STK3: variants seen among roughly 807,000 people sequenced by gnomAD.
STK3 encodes the protein serine/threonine kinase 3, also known as serine/threonine-protein kinase 3.
Under a neutral mutation model 58.0 loss-of-function variants are expected in STK3, and 41 were observed. The observed-to-expected ratio is 0.71, with a 90% CI of 0.55 to 0.92. STK3 has a LOEUF of 0.92. Among genes scored for constraint, STK3 ranks in the 40% least tolerant of loss-of-function variants. The pLI is 0.00. For synonymous variants in STK3, 170 were observed against 191.0 expected, an observed-to-expected ratio of 0.89 and a Z score of 0.91; for missense variants, 479 against 602.7, an observed-to-expected ratio of 0.79 and a Z score of 2.15.
chr8:98,459,588 C>T (rs1013839802), intron 10 of STK3, among the ~76,000 whole-genome samples: 1 of 152,254 alleles, frequency 6.6e-6, no homozygotes, highest in East Asian at 1.9e-4. Context: ...ATCTTGCCAG[C>T]AGCCCCATTT....
chr8:98,637,131 A>G (rs541243105), intron 6 of STK3, among the ~76,000 whole-genome samples: 13 of 151,660 alleles, frequency 8.6e-5, no homozygotes, highest in Non-Finnish European at 1.9e-4. Flanking sequence ...GTTTTTTTAC[A>G]GAGGAAAAAT....
intron 1 of STK3, among the ~76,000 whole-genome samples, chr8:98,895,984 G>A (rs1310087329): frequency 6.6e-6 from 1 of 152,140 alleles, no homozygotes; most frequent in Non-Finnish European, 1.5e-5. Context: ...TAGCCTAGAT[G>A]ATAAATTAAT....
intron 3 of STK3, chr8:98,875,365 A>G (rs1837529802): frequency 1.3e-5 from 2 of 152,194 alleles, no homozygotes; most frequent in Non-Finnish European, 2.9e-5. Context: ...CTCATCCCCA[A>G]CTGCCTGTTG....
At chr8:98,663,967 C>T (rs1006373097) in intron 6 of STK3, among the ~76,000 whole-genome samples, 4 of 152,086 alleles carry the variant, frequency 2.6e-5, no homozygotes, top group Non-Finnish European at 5.9e-5. Context: ...CTAGAATTCA[C>T]GTACCACACT....
intron 6 of STK3, among the ~76,000 whole-genome samples, chr8:98,626,163 C>T (rs1392924423): frequency 2.0e-5 from 3 of 152,062 alleles, no homozygotes; most frequent in Non-Finnish European, 4.4e-5. Context: ...GAATCTGCAG[C>T]ATAGAAGCCT....
chr8:98,553,182 C>T (rs1490264421), intron 8 of STK3: 5 of 152,210 alleles, frequency 3.3e-5, no homozygotes, highest in South Asian at 4.1e-4. Flanking sequence ...GAGTGTTTTA[C>T]AACTTTTTAC....
intron 1 of STK3, among the ~76,000 whole-genome samples, chr8:98,793,845 T>C (rs953973040): frequency 7.9e-5 from 12 of 151,500 alleles, no homozygotes; most frequent in African/African-American, 2.7e-4. Context: ...ATACCAACCA[T>C]ACTCTCAGAC....
intron 3 of STK3, among the ~76,000 whole-genome samples, chr8:98,860,474 G>A (rs1836889342): frequency 6.6e-6 from 1 of 152,144 alleles, no homozygotes; most frequent in Non-Finnish European, 1.5e-5. Context: ...ACCAGTTATA[G>A]CTCAGCAAGC....
At chr8:98,755,388 G>T (rs1830225428) in intron 3 of STK3, among the ~76,000 whole-genome samples, 3 of 152,124 alleles carry the variant, frequency 2.0e-5, no homozygotes, top group Non-Finnish European at 4.4e-5. Flanking sequence ...AAAGAAGAAA[G>T]GGTGCTATAA....
chr8:98,811,848 A>T (rs1834244018), intron 1 of STK3, among the ~76,000 whole-genome samples: 1 of 152,234 alleles, frequency 6.6e-6, no homozygotes, highest in South Asian at 2.1e-4. Flanking sequence ...TTTGAGACGA[A>T]GTCTTGGTCT....
At chr8:98,350,537 A>G in the STK3 span, among the ~76,000 whole-genome samples, 29 of 152,270 alleles carry the variant, frequency 1.9e-4, no homozygotes, top group African/African-American at 7.0e-4. Context: ...TTACTGTATT[A>G]GTCAATTTTT....
chr8:98,384,155 C>T lies in STK3; in HGVS notation n.56+4037G>A, dbSNP rs1268952808. On this transcript the variant is annotated intron_variant and non_coding_transcript_variant, in intron 1 of 2. Transcript: ENST00000518704. ...CATCCTCACTCATGTGATAATAAGA[C>T]GTTTCCACTTTGGCCTCTGATTGGC... Among the ~76,000 whole-genome samples, 8 of 152,210 alleles carry T rather than the reference C, an allele frequency of 5.3e-5. No homozygotes were observed. In the East Asian group the frequency reaches 7.7e-4, roughly 15 times the overall value.
chr8:98,734,478 A>G (rs1393993376), intron 4 of STK3, among the ~76,000 whole-genome samples: 2 of 152,212 alleles, frequency 1.3e-5, no homozygotes, highest in Non-Finnish European at 2.9e-5. Flanking sequence ...TAAATGGGAA[A>G]GAATAACCTT....
chr8:98,598,787 T>C lies in STK3; in HGVS notation c.685-2618A>G, dbSNP rs916143501. 8.1e-6 allele frequency: 8 copies of C among 985,280 alleles called. No homozygotes were observed. In the African/African-American group the frequency reaches 1.4e-4, roughly 17 times the overall value. 61.0% of individuals were successfully genotyped at this position (985,280 alleles called of 1,614,324 possible). ...AAGAATGTTAGTAAAATAAATGACATGATTATCCTTGTGTTTGTTTCTACA... is the reference window on the plus strand; with the variant it reads ...AAGAATGTTAGTAAAATAAATGACACGATTATCCTTGTGTTTGTTTCTACA... On this transcript the variant is annotated intron_variant, in intron 6 of 10. Coordinates refer to ENST00000419617, the MANE Select transcript of STK3 (RefSeq NM_006281.4).
rs538097425 is a variant in STK3 at position 98,475,500 on chromosome 8, A to G, written c.1318-19500T>C. 4.7e-4 allele frequency among the ~76,000 whole-genome samples: 71 copies of G among 152,352 alleles called. 2 individuals carry two copies. In the South Asian group the frequency reaches 0.012, roughly 25 times the overall value. ...TGTTCTGAAGACTAGTTTTTTAGAA[A>G]GTAAAACCATATTACCAGAATATTA... On this transcript the variant is annotated intron_variant, in intron 10 of 10. Transcript: ENST00000419617.
intron 10 of STK3, among the ~76,000 whole-genome samples, chr8:98,494,554 C>G (rs1053713263): frequency 6.9e-6 from 1 of 145,350 alleles, no homozygotes; most frequent in African/African-American, 2.5e-5. Context: ...CTTTGGGAGG[C>G]TAAGGTGGGT....
At chr8:98,399,889 A>G (rs988936120), downstream of STK3, among the ~76,000 whole-genome samples, 1 of 152,306 alleles carries the variant, frequency 6.6e-6, no homozygotes, top group Middle Eastern at 3.4e-3. Flanking sequence ...GTCACCCTCT[A>G]TTGCTGCCCA....
intron 10 of STK3, among the ~76,000 whole-genome samples, chr8:98,480,310 A>G (rs1407087232): frequency 1.3e-5 from 2 of 152,228 alleles, no homozygotes; most frequent in Non-Finnish European, 2.9e-5. Context: ...AGAAAAAAAC[A>G]TATACAGGGC....
intron 1 of STK3, among the ~76,000 whole-genome samples, chr8:98,790,362 T>C (rs1339762110): frequency 6.6e-6 from 1 of 152,214 alleles, no homozygotes; most frequent in East Asian, 1.9e-4. Flanking sequence ...GATGCAGTGA[T>C]GGTTTAACAT....
Sources: allele counts gnomAD v4.1 joint callset (sites outside exome capture counted in the v4.1 genomes callset), GRCh38; gene constraint gnomAD v4.1.1; transcripts MANE v1.5; gene names NCBI Gene and HGNC (gene_info 2026-07-23, HGNC 2026-07-21).